Variants in ATRNL1 observed in about 807,000 individuals in gnomAD.
The protein encoded by ATRNL1 is attractin-like protein 1.
ATRNL1 carries 95 observed loss-of-function variants against 182.7 expected under a neutral mutation model. That is an observed-to-expected ratio of 0.52 (90% CI 0.44 to 0.62). The LOEUF (loss-of-function observed/expected upper bound fraction) is 0.62. Among genes scored for constraint, ATRNL1 ranks in the 20% least tolerant of loss-of-function variants. ATRNL1 has a pLI of 0.00. For synonymous variants in ATRNL1, 576 were observed against 568.3 expected (o/e 1.01, Z -0.19); for missense variants, 1,471 against 1,679.5 (o/e 0.88, Z 2.17).
At chr10:115,577,319 T>A (rs1555005613) in intron 26 of ATRNL1, among the ~76,000 whole-genome samples, 1 of 151,920 alleles carries the variant, frequency 6.6e-6, no homozygotes, top group African/African-American at 2.4e-5. Context: ...CTTTGGGTAG[T>A]ATGGATAGTT....
chr10:115,261,102 G>A (rs1012179692), intron 10 of ATRNL1, among the ~76,000 whole-genome samples: 8 of 151,914 alleles, frequency 5.3e-5, no homozygotes, highest in Non-Finnish European at 1.0e-4. Flanking sequence ...TATATAGAGA[G>A]AAAAGAAATA....
intron 19 of ATRNL1, among the ~76,000 whole-genome samples, chr10:115,358,434 CTTTA>C (rs1856597199): frequency 6.6e-6 from 1 of 151,394 alleles, no homozygotes; most frequent in African/African-American, 2.4e-5. Context: ...TCTATCATAT[CTTTA>C]TTTTTTTATT....
chr10:115,696,870 C>CGAGAGAGAGAGAGAGAGA lies in ATRNL1; in HGVS notation c.3796-30366_3796-30349dup, dbSNP rs138252590. On this transcript the variant is annotated intron_variant, in intron 26 of 28. Coordinates refer to ENST00000355044, the MANE Select transcript of ATRNL1 (RefSeq NM_207303.4). Reference sequence around the variant, plus strand: ...CAGGTACAGTCATCACATATCAGAGCGAGAGAGAGAGAGAGAGAGAGAGAG... The same window carrying CGAGAGAGAGAGAGAGAGA: ...CAGGTACAGTCATCACATATCAGAGCGAGAGAGAGAGAGAGAGAGAGAGAGAGAGAGAGAGAGAGAGAG... Among the ~76,000 whole-genome samples, 261 of 134,018 alleles carry CGAGAGAGAGAGAGAGAGA rather than the reference C, an allele frequency of 1.9e-3. 3 individuals carry two copies. Among genetic ancestry groups the CGAGAGAGAGAGAGAGAGA allele is most frequent in the African/African-American group, 6.0e-3 (213 of 35,594 alleles). 87.9% of individuals were successfully genotyped at this position (134,018 alleles called of 152,430 possible).
intron 19 of ATRNL1, among the ~76,000 whole-genome samples, chr10:115,382,089 T>C (rs533110980): frequency 1.8e-3 from 279 of 152,298 alleles, no homozygotes; most frequent in African/African-American, 6.3e-3. Flanking sequence ...TATGTAGTTT[T>C]AATATTGTTG....
chr10:115,150,726 G>C (rs1430388602), intron 5 of ATRNL1, among the ~76,000 whole-genome samples: 1 of 151,892 alleles, frequency 6.6e-6, no homozygotes, highest in Non-Finnish European at 1.5e-5. Flanking sequence ...TTTTTTTGAA[G>C]TTTTTTTATT....
At chr10:115,477,079 A>C (rs1230138741) in intron 24 of ATRNL1, among the ~76,000 whole-genome samples, 2 of 151,566 alleles carry the variant, frequency 1.3e-5, no homozygotes, top group African/African-American at 2.4e-5. Flanking sequence ...CTCTTAAAAA[A>C]GTTTTAACAT....
intron 10 of ATRNL1, among the ~76,000 whole-genome samples, chr10:115,259,164 A>G (rs1266284617): frequency 6.6e-6 from 1 of 152,222 alleles, no homozygotes; most frequent in Non-Finnish European, 1.5e-5. Context: ...GCTGTCAGAC[A>G]GGGACTTTTA....
chr10:115,751,679 C>T (rs1450305552), intron 27 of ATRNL1, among the ~76,000 whole-genome samples: 1 of 151,976 alleles, frequency 6.6e-6, no homozygotes, highest in South Asian at 2.1e-4. Flanking sequence ...TGTGGTATTA[C>T]GTTGTACTAT....
Position 115,093,533 on chromosome 10 carries a change from G to T in ATRNL1, c.-218G>T. ...CGGCCCGCTAAGGACAAGGTCGGGA[G>T]ACTGGGTGGCGATGCCCGAGTGCGA... is the stretch of plus-strand genomic sequence containing the variant. On this transcript the variant is annotated 5_prime_UTR_variant, in exon 1 of 29. Transcript: ENST00000355044. The surrounding 1 kb of genome is among the most constrained non-coding windows in gnomAD (Gnocchi z 6.1). The T allele has an allele frequency of 2.9e-6, 2 of 680,892 alleles. No homozygotes were observed. Among genetic ancestry groups the T allele is most frequent in the Non-Finnish European group, 5.3e-6 (2 of 375,980 alleles). 42.2% of individuals were successfully genotyped at this position (680,892 alleles called of 1,614,324 possible). A position where few individuals can be genotyped will look rare whatever the true frequency, so the allele number is the denominator to read the frequency against.
chr10:115,105,767 G>T (rs1206651621), intron 1 of ATRNL1, among the ~76,000 whole-genome samples: 1 of 152,218 alleles, frequency 6.6e-6, no homozygotes. Flanking sequence ...GCCTGCGGGT[G>T]CACAGGAGTC....
At chr10:115,241,308 T>C (rs1554902794) in intron 9 of ATRNL1, among the ~76,000 whole-genome samples, 1 of 151,624 alleles carries the variant, frequency 6.6e-6, no homozygotes, top group Admixed American at 6.6e-5. Flanking sequence ...AAAAATAATT[T>C]ATAATATAAA....
At chr10:115,787,416 T>C (rs1423085028) in intron 27 of ATRNL1, among the ~76,000 whole-genome samples, 2 of 152,180 alleles carry the variant, frequency 1.3e-5, no homozygotes, top group Non-Finnish European at 2.9e-5. Flanking sequence ...ATTCTTTACT[T>C]TCTTGGCTCT....
chr10:115,864,721 G>A (rs540639631), intron 28 of ATRNL1, among the ~76,000 whole-genome samples: 11 of 152,258 alleles, frequency 7.2e-5, no homozygotes, highest in South Asian at 2.1e-4. Context: ...GGTGGCTCAC[G>A]CCTGTAATCC....
At chr10:115,268,121 G>A (rs1851685719) in intron 12 of ATRNL1, among the ~76,000 whole-genome samples, 1 of 151,994 alleles carries the variant, frequency 6.6e-6, no homozygotes, top group Non-Finnish European at 1.5e-5. Context: ...TAAAATGGGG[G>A]TAAAAGGTCT....
intron 25 of ATRNL1, among the ~76,000 whole-genome samples, chr10:115,548,531 A>G (rs1372346054): frequency 6.6e-6 from 1 of 152,198 alleles, no homozygotes; most frequent in Non-Finnish European, 1.5e-5. Flanking sequence ...GGGTCTTCTC[A>G]TAGCATAATC....
chr10:115,712,164 A>G (rs1052476465), intron 26 of ATRNL1, among the ~76,000 whole-genome samples: 1 of 152,194 alleles, frequency 6.6e-6, no homozygotes, highest in African/African-American at 2.4e-5. Context: ...CAGTGTCAAC[A>G]CTGCTATATT....
At chr10:115,207,646 A>G (rs1476786372) in intron 8 of ATRNL1, among the ~76,000 whole-genome samples, 2 of 151,920 alleles carry the variant, frequency 1.3e-5, no homozygotes, top group Non-Finnish European at 2.9e-5. Flanking sequence ...TTTTTAATAT[A>G]GAATTATGGG....
At chr10:115,923,366 T>C (rs1340891863) in intron 28 of ATRNL1, among the ~76,000 whole-genome samples, 5 of 152,108 alleles carry the variant, frequency 3.3e-5, no homozygotes, top group Non-Finnish European at 7.4e-5. Flanking sequence ...GCCATGGTGG[T>C]TTGCTGCACC....
In ATRNL1 at chr10:115,393,131, T is replaced by C. The variant is rs1047419322; in HGVS notation, c.3176-1528T>C. On this transcript the variant is annotated intron_variant, in intron 19 of 28. Coordinates refer to ENST00000355044, the MANE Select transcript of ATRNL1 (RefSeq NM_207303.4). ...AGGCAGAAGACTGGATTACTAACAC[T>C]GAAATGGGCTTTTCTGATAATCCCC... 2.6e-5 allele frequency among the ~76,000 whole-genome samples: 4 copies of C among 152,136 alleles called. No homozygotes were observed. The East Asian group carries it at 7.7e-4, about 29-fold the overall frequency.
Sources: gnomAD v4.1 joint callset for allele counts (sites outside exome capture counted in the v4.1 genomes callset) on GRCh38, gnomAD v4.1.1 for gene constraint, Gnocchi (gnomAD v3.1) non-coding constraint, MANE v1.5 for transcripts, NCBI Gene and HGNC (gene_info 2026-07-23, HGNC 2026-07-21) for gene names.